Variants in CNKSR3 observed in about 807,000 individuals in gnomAD.
CNKSR3 encodes connector enhancer of kinase suppressor of ras 3.
In CNKSR3, 36 loss-of-function variants were observed where a neutral mutation model predicts 67.7. The observed-to-expected ratio is 0.53, with a 90% CI of 0.41 to 0.70. The LOEUF is 0.70. Ranked by LOEUF, CNKSR3 falls within the 30% of genes least tolerant of loss-of-function variation. The pLI is 0.00. For synonymous variants in CNKSR3, 281 were observed against 271.4 expected (o/e 1.04, Z -0.35); for missense variants, 630 against 695.2 (o/e 0.91, Z 1.05).
At chr6:154,435,623 C>T (rs1351383785) in intron 4 of CNKSR3, among the ~76,000 whole-genome samples, 1 of 152,226 alleles carries the variant, frequency 6.6e-6, no homozygotes, top group Non-Finnish European at 1.5e-5. Context: ...CAGCTGCAGG[C>T]ATGACTTCAC....
At chr6:154,456,199 C>A (rs1785950551) in intron 1 of CNKSR3, among the ~76,000 whole-genome samples, 1 of 152,160 alleles carries the variant, frequency 6.6e-6, no homozygotes, top group African/African-American at 2.4e-5. Context: ...GCAGAAGCTA[C>A]AATTCTTCAA....
chr6:154,421,472 T>A (rs1233384431), intron 9 of CNKSR3, among the ~76,000 whole-genome samples: 2 of 152,186 alleles, frequency 1.3e-5, no homozygotes, highest in East Asian at 3.8e-4. Context: ...ATAATCTCAA[T>A]CTTATAAAAG....
rs200204714 is a variant in CNKSR3, at chr6:154,445,221, G to GA, written c.217-2932dup. ...TGAAAATGTTCTCTTCCAAACTTTT[G>GA]AAAAAAACTGAATTTCAAAATATAA... On this transcript the variant is annotated intron_variant, in intron 2 of 12. Transcript: ENST00000607772. Among the ~76,000 whole-genome samples the GA allele has an allele frequency of 8.2e-3, 1,238 of 151,880 alleles. 7 individuals carry two copies. Among genetic ancestry groups the GA allele is most frequent in the Non-Finnish European group, 0.013 (917 of 67,930 alleles).
chr6:154,434,363 A>G (rs1785428916), intron 4 of CNKSR3, among the ~76,000 whole-genome samples: 1 of 152,234 alleles, frequency 6.6e-6, no homozygotes, highest in Non-Finnish European at 1.5e-5. Context: ...GAGTTTATTC[A>G]GCCCTATTAA....
At chr6:154,476,658 C>T (rs1159436870) in intron 1 of CNKSR3, among the ~76,000 whole-genome samples, 1 of 152,112 alleles carries the variant, frequency 6.6e-6, no homozygotes, top group Non-Finnish European at 1.5e-5. Flanking sequence ...ATTCTGGGGT[C>T]ACTCGGCAAA....
Position 154,406,591 on chromosome 6 carries a change from G to A in CNKSR3, c.1431C>T (p.Ser477=), listed in dbSNP as rs996610210. Residue 477 remains serine, a synonymous_variant, in exon 13 of 13, where the codon AGC becomes AGT. Transcript: ENST00000607772. The part of the protein sequence containing the change: ...NERIPPIIEE[S]SSPPYRFSRP... ...TGGAGAACCGGTATGGGGGAGAGGA[G>A]CTCTCTTCAATGATCGGAGGAATCC... is the stretch of plus-strand genomic sequence containing the variant. The A allele has an allele frequency of 8.7e-6, 14 of 1,614,086 alleles. No homozygotes were observed. The East Asian group carries it at 1.1e-4, about 13-fold the overall frequency.
chr6:154,496,745 A>C (rs2114654829), intron 1 of CNKSR3, among the ~76,000 whole-genome samples: 1 of 152,378 alleles, frequency 6.6e-6, no homozygotes, highest in South Asian at 2.1e-4. Context: ...GAAAAGAAGT[A>C]GATACACTAT....
intron 2 of CNKSR3, 126 bp downstream of exon 2, chr6:154,449,969 C>A: frequency 1.0e-6 from 1 of 969,304 alleles, no homozygotes; most frequent in Non-Finnish European, 1.5e-6. Flanking sequence ...GTATCTTCAG[C>A]TCATGTTTTA....
In CNKSR3 at chr6:154,401,599, T is replaced by A. The variant is rs1171665621; in HGVS notation, c.*4755A>T. 2.0e-5 allele frequency: 3 copies of A among 152,246 alleles called. No homozygotes were observed. Among genetic ancestry groups the A allele is most frequent in the Admixed American group, 6.5e-5 (1 of 15,282 alleles). The allele number at this position is 152,246 out of a possible 1,614,324, so 9.4% of individuals were successfully genotyped here. A position where few individuals can be genotyped will look rare whatever the true frequency, so the allele number is the denominator to read the frequency against. Reference sequence around the variant, plus strand: ...CACTGGCCAAGCCAATGAGCAGTCATACCAAAAGTAGTTTACTTTTAAGAT... The same window carrying A: ...CACTGGCCAAGCCAATGAGCAGTCAAACCAAAAGTAGTTTACTTTTAAGAT... On this transcript the variant is annotated 3_prime_UTR_variant, in exon 13 of 13. Transcript: ENST00000607772.
chr6:154,471,739 A>C (rs2114627948), intron 1 of CNKSR3, among the ~76,000 whole-genome samples: 1 of 152,288 alleles, frequency 6.6e-6, no homozygotes, highest in African/African-American at 2.4e-5. Context: ...TCAGTGACAC[A>C]GTAGTTCCCT....
At chr6:154,509,951 G>A (rs1787180938) in intron 1 of CNKSR3, 112 bp downstream of exon 1, 1 of 1,159,456 alleles carries the variant, frequency 8.6e-7, no homozygotes, top group Admixed American at 1.7e-5. Context: ...TCACCGGGCT[G>A]TGCCCTCACC....
intron 9 of CNKSR3, among the ~76,000 whole-genome samples, chr6:154,421,340 T>C (rs189667409): frequency 9.1e-4 from 138 of 152,312 alleles, no homozygotes; most frequent in African/African-American, 3.1e-3. Context: ...TTAACCTCTC[T>C]TCTGTGACAC....
rs1784594053 is a variant in CNKSR3, at chr6:154,390,695, A to T, written c.*15659T>A. 1 of 152,230 alleles carries T rather than the reference A, an allele frequency of 6.6e-6. No individual in the cohort carries two copies. Among genetic ancestry groups the T allele is most frequent in the Non-Finnish European group, 1.5e-5 (1 of 68,102 alleles). 9.4% of individuals were successfully genotyped at this position (152,230 alleles called of 1,614,324 possible). ...TTAGTTTGTTGGGGCTGCCATAACA[A>T]AATACCACAGACTGGGTAGCTTAAA... On this transcript the variant is annotated 3_prime_UTR_variant, in exon 13 of 13. Transcript: ENST00000607772.
intron 1 of CNKSR3, among the ~76,000 whole-genome samples, chr6:154,455,652 C>T (rs1464093791): frequency 1.3e-5 from 2 of 152,108 alleles, no homozygotes; most frequent in Non-Finnish European, 2.9e-5. Context: ...GAACTCCTGA[C>T]CTCAAGCAAT....
intron 4 of CNKSR3, among the ~76,000 whole-genome samples, chr6:154,438,583 C>G (rs777847849): frequency 6.6e-6 from 1 of 152,122 alleles, no homozygotes; most frequent in Non-Finnish European, 1.5e-5. Flanking sequence ...GTGACTCGTC[C>G]AAGGCCCCAG....
intron 5 of CNKSR3, 145 bp from the exon 6 acceptor site, chr6:154,430,736 C>T: frequency 1.4e-6 from 1 of 715,494 alleles, no homozygotes. Context: ...GAATGCATGG[C>T]ATTTAGACTC....
intron 3 of CNKSR3, 65 bp downstream of exon 3, chr6:154,442,023 A>C: frequency 7.1e-7 from 1 of 1,416,184 alleles, no homozygotes. Context: ...GACAAAGTAC[A>C]GCTTCCATGC....
Position 154,394,154 on chromosome 6 carries a change from G to C in CNKSR3, c.*12200C>G, listed in dbSNP as rs1196317074. ...CCACCTCAGCCTCCCAAATAGCTGG[G>C]ACCACAGGTGTACACCACCAAGCCT... is the stretch of plus-strand genomic sequence containing the variant. On this transcript the variant is annotated 3_prime_UTR_variant, in exon 13 of 13. Transcript: ENST00000607772. The C allele has an allele frequency of 6.6e-6, 1 of 152,196 alleles. No individual in the cohort carries two copies. The highest frequency in any genetic ancestry group is 2.4e-5 in the African/African-American group (1 of 41,422). 9.4% of individuals were successfully genotyped at this position (152,196 alleles called of 1,614,324 possible).
At chr6:154,486,165 C>G (rs569723889) in intron 1 of CNKSR3, among the ~76,000 whole-genome samples, 1 of 152,168 alleles carries the variant, frequency 6.6e-6, no homozygotes, top group Non-Finnish European at 1.5e-5. Flanking sequence ...ACGTCAATAT[C>G]GCCAGCCCTC....
Sources: allele counts gnomAD v4.1 joint callset (sites outside exome capture counted in the v4.1 genomes callset), GRCh38; gene constraint gnomAD v4.1.1; transcripts MANE v1.5; gene names NCBI Gene and HGNC (gene_info 2026-07-23, HGNC 2026-07-21).